The following RAPGEF4 variants were observed in gnomAD, a reference collection of about 807,000 sequenced individuals.
The protein encoded by RAPGEF4 is Rap guanine nucleotide exchange factor 4.
In RAPGEF4, 66 loss-of-function variants were observed where a neutral mutation model predicts 147.9. That is an observed-to-expected ratio of 0.45 (90% CI 0.37 to 0.55). The LOEUF (loss-of-function observed/expected upper bound fraction) is 0.55, where lower values mean the gene tolerates loss of function less well. Ranked by LOEUF, RAPGEF4 falls within the 20% of genes least tolerant of loss-of-function variation. The pLI, the probability that RAPGEF4 is intolerant of heterozygous loss-of-function variation, is 0.00. For synonymous variants in RAPGEF4, 419 were observed against 442.7 expected (o/e 0.95, Z 0.67); for missense variants, 1,071 against 1,257.3 (o/e 0.85, Z 2.24).
intron 4 of RAPGEF4, among the ~76,000 whole-genome samples, chr2:172,860,838 G>A (rs929522502): frequency 4.0e-5 from 6 of 151,890 alleles, no homozygotes; most frequent in African/African-American, 1.5e-4. Context: ...TGTTTTCTAT[G>A]GACCTTTTTA....
intron 6 of RAPGEF4, among the ~76,000 whole-genome samples, chr2:172,943,888 C>T (rs1687417184): frequency 6.6e-6 from 1 of 152,188 alleles, no homozygotes; most frequent in African/African-American, 2.4e-5. Flanking sequence ...GGTAAGATCA[C>T]TGAGGTTAAC....
At chr2:172,786,512 C>T (rs1685217641) in intron 1 of RAPGEF4, among the ~76,000 whole-genome samples, 1 of 152,050 alleles carries the variant, frequency 6.6e-6, no homozygotes, top group African/African-American at 2.4e-5. Flanking sequence ...GAATGGAGAG[C>T]CATTTAAAAT....
At chr2:172,943,748 G>A (rs987471943) in intron 6 of RAPGEF4, among the ~76,000 whole-genome samples, 5 of 152,118 alleles carry the variant, frequency 3.3e-5, no homozygotes, top group Non-Finnish European at 7.4e-5. Context: ...CCTTTCACCC[G>A]CTGTTTTTGC....
At chr2:172,834,198 A>G (rs1377655709) in intron 4 of RAPGEF4, among the ~76,000 whole-genome samples, 2 of 152,212 alleles carry the variant, frequency 1.3e-5, no homozygotes, top group Non-Finnish European at 2.9e-5. Context: ...GATACTTTCA[A>G]TTGGAGTTTC....
In RAPGEF4 at chr2:173,039,433, C is replaced by G. The variant is rs144139816; in HGVS notation, c.2853+2741C>G. On this transcript the variant is annotated intron_variant, in intron 29 of 30. Coordinates refer to ENST00000397081, the MANE Select transcript of RAPGEF4 (RefSeq NM_007023.4). ...TGAGCCGAGATTGCACCACTGCGCT[C>G]CAGCCTGGGAGACAGCGAGACTCTG... Among the ~76,000 whole-genome samples, 63 of 151,914 alleles carry G rather than the reference C, an allele frequency of 4.1e-4. 2 individuals carry two copies. The East Asian group carries it at 0.011, about 27-fold the overall frequency.
chr2:172,833,136 G>A (rs1690540156), intron 4 of RAPGEF4, among the ~76,000 whole-genome samples: 1 of 151,836 alleles, frequency 6.6e-6, no homozygotes, highest in Admixed American at 6.6e-5. Flanking sequence ...CCTGAGAGGT[G>A]GAGGTTGCAA....
Position 173,017,096 on chromosome 2 carries a change from T to G in RAPGEF4, c.1899-78T>G, listed in dbSNP as rs1460350654. The G allele has an allele frequency of 3.7e-6, 5 of 1,342,428 alleles. No individual in the cohort carries two copies. The South Asian group carries it at 6.1e-5, about 16-fold the overall frequency. The allele number at this position is 1,342,428 out of a possible 1,614,324, so 83.2% of individuals were successfully genotyped here. A position where few individuals can be genotyped will look rare whatever the true frequency, so the allele number is the denominator to read the frequency against. ...GTGATTGTGATTTCATTTTCTAACA[T>G]AAGATTAGTTATATACAAATAAGGC... On this transcript the variant is annotated intron_variant, in intron 19 of 30. Coordinates refer to ENST00000397081, the MANE Select transcript of RAPGEF4 (RefSeq NM_007023.4).
chr2:172,942,133 G>A (rs1275705122), intron 6 of RAPGEF4, among the ~76,000 whole-genome samples: 1 of 150,738 alleles, frequency 6.6e-6, no homozygotes, highest in African/African-American at 2.4e-5. Context: ...TTTTTGATGA[G>A]ACATTTGAAA....
In RAPGEF4 at chr2:172,795,126, G is replaced by T; in HGVS notation, c.167G>T (p.Cys56Phe). ...KFHPNLLHQICLCGYYENLEK... is the reference protein window; with the variant it reads ...KFHPNLLHQIFLCGYYENLEK... ...CACCCAAATCTCCTTCATCAGATTTGCTTATGTGGTTATTATGAGAATCTG... is the reference window on the plus strand; with the variant it reads ...CACCCAAATCTCCTTCATCAGATTTTCTTATGTGGTTATTATGAGAATCTG... The change falls in exon 2 of 31, where the codon TGC (cysteine) becomes TTC (phenylalanine). Residue 56 changes from cysteine (C) to phenylalanine (F), a missense_variant. By Grantham distance (205) the Cys-to-Phe change is radical. Transcript: ENST00000397081. The T allele has an allele frequency of 6.2e-7, 1 of 1,612,346 alleles. No individual in the cohort carries two copies. Among genetic ancestry groups the T allele is most frequent in the Non-Finnish European group, 8.5e-7 (1 of 1,178,492 alleles).
chr2:172,742,621 T>A (rs1377711601), intron 1 of RAPGEF4, among the ~76,000 whole-genome samples: 4 of 152,254 alleles, frequency 2.6e-5, no homozygotes, highest in African/African-American at 9.6e-5. Context: ...ATTTGCAATT[T>A]ATTGGGAGAC....
At chr2:172,802,711 C>T (rs1687100564) in intron 3 of RAPGEF4, among the ~76,000 whole-genome samples, 1 of 152,236 alleles carries the variant, frequency 6.6e-6, no homozygotes, top group African/African-American at 2.4e-5. Context: ...CAAAAGTCCA[C>T]AGTCCAATGT....
In RAPGEF4 at chr2:173,032,277, C is replaced by T. The variant is rs149774204; in HGVS notation, c.2650-1637C>T. On this transcript the variant is annotated intron_variant, in intron 26 of 30. Transcript: ENST00000397081. ...ATGCTGGAAGCACCTCTTACCATGC[C>T]CCACCCCGGCTGTGACAACAAAAAA... Among the ~76,000 whole-genome samples, 13 of 152,248 alleles carry T rather than the reference C, an allele frequency of 8.5e-5. No homozygotes were observed. The East Asian group carries it at 2.5e-3, about 29-fold the overall frequency.
At chr2:172,771,652 C>G (rs1288087368) in intron 1 of RAPGEF4, among the ~76,000 whole-genome samples, 1 of 151,644 alleles carries the variant, frequency 6.6e-6, no homozygotes, top group Non-Finnish European at 1.5e-5. Flanking sequence ...ACTATATTGC[C>G]CAGGCTTGTC....
intron 4 of RAPGEF4, among the ~76,000 whole-genome samples, chr2:172,868,727 G>T (rs551430296): frequency 7.2e-5 from 11 of 152,212 alleles, no homozygotes; most frequent in Non-Finnish European, 1.5e-4. Context: ...AAAGGGGAAC[G>T]TGTGTGTTAG....
chr2:173,027,585 GT>G (rs1696784087), intron 25 of RAPGEF4, among the ~76,000 whole-genome samples: 1 of 152,148 alleles, frequency 6.6e-6, no homozygotes, highest in Non-Finnish European at 1.5e-5. Context: ...TACTTCGAAA[GT>G]TCAGTTGAAA....
intron 4 of RAPGEF4, among the ~76,000 whole-genome samples, chr2:172,845,107 T>G (rs1692031005): frequency 6.6e-6 from 1 of 152,206 alleles, no homozygotes; most frequent in African/African-American, 2.4e-5. Flanking sequence ...CTCCAGGAAG[T>G]GTCACTGACT....
At chr2:172,966,195 A>C (rs898775947) in intron 9 of RAPGEF4, among the ~76,000 whole-genome samples, 1 of 152,250 alleles carries the variant, frequency 6.6e-6, no homozygotes, top group African/African-American at 2.4e-5. Context: ...TGATAACTGC[A>C]GGGGCTGTAA....
chr2:172,959,533 G>A (rs964854243), intron 6 of RAPGEF4, among the ~76,000 whole-genome samples: 1 of 151,234 alleles, frequency 6.6e-6, no homozygotes, highest in Admixed American at 6.6e-5. Flanking sequence ...TTAATCAGGG[G>A]GAGTATTATT....
intron 4 of RAPGEF4, among the ~76,000 whole-genome samples, chr2:172,869,329 T>A (rs913202265): frequency 6.6e-6 from 1 of 152,178 alleles, no homozygotes; most frequent in African/African-American, 2.4e-5. Flanking sequence ...TTTGGGTTTT[T>A]AAAAAAATTA....
Sources: allele counts gnomAD v4.1 joint callset (sites outside exome capture counted in the v4.1 genomes callset), GRCh38; gene constraint gnomAD v4.1.1; transcripts MANE v1.5; gene names NCBI Gene and HGNC (gene_info 2026-07-23, HGNC 2026-07-21).